The following SHISAL1 variants were observed in gnomAD, a reference collection of about 807,000 sequenced individuals.
SHISAL1 encodes protein shisa-like-1.
In SHISAL1, 9 loss-of-function variants were observed where a neutral mutation model predicts 22.6. The observed-to-expected ratio is 0.40, with a 90% CI of 0.24 to 0.70. The LOEUF is 0.70. Ranked by LOEUF, SHISAL1 falls within the 30% of genes least tolerant of loss-of-function variation. The pLI, the probability that SHISAL1 is intolerant of heterozygous loss-of-function variation, is 0.39. For synonymous variants in SHISAL1, 119 were observed against 115.4 expected (o/e 1.03, Z -0.20); for missense variants, 246 against 270.6 (o/e 0.91, Z 0.64).
intron 4 of SHISAL1, among the ~76,000 whole-genome samples, chr22:44,256,933 T>G (rs2055088821): frequency 6.6e-6 from 1 of 152,044 alleles, no homozygotes; most frequent in Non-Finnish European, 1.5e-5. Flanking sequence ...AAAGAGAAAC[T>G]GTCAAATAGC....
At chr22:44,331,361 GC>G in the SHISAL1 span, among the ~76,000 whole-genome samples, 2 of 92,208 alleles carry the variant, frequency 2.2e-5, no homozygotes, top group Non-Finnish European at 4.5e-5. This position sits in a 1 kb window ranked among gnomAD's most constrained non-coding sequence, Gnocchi z 5.2. Context: ...CGCAGACCCC[GC>G]CCCCCACTCG....
At chr22:44,305,487 A>C (rs910962852) in intron 1 of SHISAL1, among the ~76,000 whole-genome samples, 1 of 152,228 alleles carries the variant, frequency 6.6e-6, no homozygotes, top group African/African-American at 2.4e-5. Flanking sequence ...AGTTCCAGAG[A>C]TGAACGCACA....
intron 4 of SHISAL1, among the ~76,000 whole-genome samples, chr22:44,273,279 T>C (rs999963506): frequency 6.6e-6 from 1 of 152,170 alleles, no homozygotes; most frequent in Non-Finnish European, 1.5e-5. Flanking sequence ...TAGCACGTGC[T>C]GTCAATTTCC....
chr22:44,265,631 G>A (rs1271818628), intron 4 of SHISAL1, among the ~76,000 whole-genome samples: 1 of 152,208 alleles, frequency 6.6e-6, no homozygotes, highest in Admixed American at 6.5e-5. Context: ...GTTTTAAGCT[G>A]CTGACTTGTG....
In SHISAL1 at chr22:44,300,906, C is replaced by T. The variant is rs781218327; in HGVS notation, c.40G>A (p.Val14Ile). 2.2e-5 allele frequency: 35 copies of T among 1,614,002 alleles called. No individual in the cohort carries two copies. The highest frequency in any genetic ancestry group is 3.3e-5 in the Admixed American group (2 of 60,000). Residue 14 changes from valine (V) to isoleucine (I), a missense_variant, in exon 2 of 5, where the codon GTC becomes ATC. Coordinates refer to ENST00000381176, the MANE Select transcript of SHISAL1 (RefSeq NM_001099294.2). ...GCAGAAAACAGCAATGAGAAGAGGACGGCGAGCACGTTCAAGGACTGCTGG... is the reference window on the plus strand; with the variant it reads ...GCAGAAAACAGCAATGAGAAGAGGATGGCGAGCACGTTCAAGGACTGCTGG... ...CGQQSLNVLA[V>I]LFSLLFSAVL...
intron 1 of SHISAL1, among the ~76,000 whole-genome samples, chr22:44,311,552 C>A (rs1316371403): frequency 6.6e-6 from 1 of 152,226 alleles, no homozygotes; most frequent in African/African-American, 2.4e-5. Context: ...CAGTTCTGCA[C>A]CCATCAAAGT....
At chr22:44,293,037 G>A (rs770669010) in intron 3 of SHISAL1, among the ~76,000 whole-genome samples, 1 of 152,094 alleles carries the variant, frequency 6.6e-6, no homozygotes, top group South Asian at 2.1e-4. Context: ...ACAGGGCCCC[G>A]GACCCCCTGC....
chr22:44,294,457 CAA>C (rs1019507048), intron 3 of SHISAL1, among the ~76,000 whole-genome samples: 14 of 152,192 alleles, frequency 9.2e-5, no homozygotes, highest in African/African-American at 3.1e-4. Flanking sequence ...ACGCCCTGTT[CAA>C]AAAGATTTTT....
the SHISAL1 span, among the ~76,000 whole-genome samples, chr22:44,331,323 C>A: frequency 3.3e-5 from 5 of 151,798 alleles, no homozygotes; most frequent in Non-Finnish European, 7.4e-5. The surrounding 1 kb of genome is among the most constrained non-coding windows in gnomAD (Gnocchi z 5.2). Context: ...AAGCGCCCAC[C>A]CTTCACCCCT....
intron 4 of SHISAL1, among the ~76,000 whole-genome samples, chr22:44,274,554 TA>T (rs761766886): frequency 6.6e-6 from 1 of 151,988 alleles, no homozygotes; most frequent in Admixed American, 6.5e-5. Flanking sequence ...ATCGTATTAA[TA>T]AAAAAAATTA....
At chr22:44,250,213 C>T (rs775826734) in intron 4 of SHISAL1, among the ~76,000 whole-genome samples, 25 of 152,154 alleles carry the variant, frequency 1.6e-4, no homozygotes, top group Non-Finnish European at 2.9e-4. Context: ...TCTGATTTGG[C>T]TGATAAATTA....
At chr22:44,290,545 C>CAAACAAAAAAAAA (rs2055346160) in intron 3 of SHISAL1, among the ~76,000 whole-genome samples, 1 of 123,484 alleles carries the variant, frequency 8.1e-6, no homozygotes, top group African/African-American at 3.0e-5. Flanking sequence ...AAAAAAAAAA[C>CAAACAAAAAAAAA]AAAAAACGGG....
intron 4 of SHISAL1, among the ~76,000 whole-genome samples, chr22:44,259,150 C>T (rs771405751): frequency 1.3e-5 from 2 of 152,158 alleles, no homozygotes; most frequent in East Asian, 1.9e-4. Flanking sequence ...ATGGTAGAAA[C>T]GGCCAGAAGC....
chr22:44,255,802 T>C (rs560573794), intron 4 of SHISAL1, among the ~76,000 whole-genome samples: 16 of 152,220 alleles, frequency 1.1e-4, no homozygotes, highest in Non-Finnish European at 1.8e-4. Context: ...TATTCCTCAC[T>C]CTTTTCATTT....
intron 4 of SHISAL1, among the ~76,000 whole-genome samples, chr22:44,279,516 G>A (rs1290101320): frequency 2.0e-5 from 3 of 152,240 alleles, no homozygotes; most frequent in African/African-American, 7.2e-5. Context: ...CATGATGCTT[G>A]GGTTTCAGCA....
intron 1 of SHISAL1, among the ~76,000 whole-genome samples, chr22:44,304,636 C>T (rs954131514): frequency 1.3e-5 from 2 of 152,220 alleles, no homozygotes; most frequent in African/African-American, 4.8e-5. Flanking sequence ...TCCCAGCCTC[C>T]TTCTGGCCCT....
chr22:44,267,403 C>G (rs183720986), intron 4 of SHISAL1, among the ~76,000 whole-genome samples: 20 of 150,122 alleles, frequency 1.3e-4, no homozygotes, highest in Non-Finnish European at 2.3e-4. Flanking sequence ...GGACCCCCAC[C>G]TCCTTCTCAG....
intron 1 of SHISAL1, among the ~76,000 whole-genome samples, chr22:44,308,151 T>G (rs1569227140): frequency 6.6e-6 from 1 of 152,172 alleles, no homozygotes; most frequent in Non-Finnish European, 1.5e-5. Flanking sequence ...TGAGCCTCAG[T>G]GTCCTCAGCC....
chr22:44,299,971 TAGAC>T (rs1320113949), intron 2 of SHISAL1, among the ~76,000 whole-genome samples: 1 of 86,588 alleles, frequency 1.2e-5, no homozygotes, highest in Admixed American at 1.3e-4. Flanking sequence ...CACAGAGACA[TAGAC>T]AGAGACAAAG....
Sources: gnomAD v4.1 joint callset for allele counts (sites outside exome capture counted in the v4.1 genomes callset) on GRCh38, gnomAD v4.1.1 for gene constraint, Gnocchi (gnomAD v3.1) non-coding constraint, MANE v1.5 for transcripts, NCBI Gene and HGNC (gene_info 2026-07-23, HGNC 2026-07-21) for gene names.